The following KIAA2012 variants were observed in gnomAD, a reference collection of about 807,000 sequenced individuals.
The protein encoded by KIAA2012 is KIAA2012, also known as uncharacterized protein KIAA2012.
In KIAA2012, 125 loss-of-function variants were observed where a neutral mutation model predicts 150.6. That is an observed-to-expected ratio of 0.83 (90% CI 0.72 to 0.96). The LOEUF (loss-of-function observed/expected upper bound fraction) is 0.96, where lower values mean the gene tolerates loss of function less well. Among genes scored for constraint, KIAA2012 ranks in the 40% least tolerant of loss-of-function variants. The pLI is 0.00. For missense variants in KIAA2012, 1,219 were observed against 1,354.9 expected (o/e 0.90, Z 1.57); for synonymous variants, 462 against 504.7 (o/e 0.92, Z 1.13).
At chr2:202,090,421 T>C (rs1689687289) in intron 2 of KIAA2012, among the ~76,000 whole-genome samples, 1 of 152,240 alleles carries the variant, frequency 6.6e-6, no homozygotes, top group South Asian at 2.1e-4. Flanking sequence ...GGCTTTCCCA[T>C]TACAGTACAG....
At chr2:202,196,699 C>T (rs1692421064) in intron 21 of KIAA2012, 101 bp from the exon 22 acceptor site, 1 of 1,456,724 alleles carries the variant, frequency 6.9e-7, no homozygotes, top group Non-Finnish European at 9.1e-7. Flanking sequence ...CAAAATTTCT[C>T]ACGGGGAGTC....
chr2:202,133,500 G>A (rs1484258989), intron 12 of KIAA2012, among the ~76,000 whole-genome samples: 2 of 152,086 alleles, frequency 1.3e-5, no homozygotes, highest in East Asian at 1.9e-4. Context: ...AAAGATATAA[G>A]TAAAAGGACT....
At chr2:202,084,070 G>A (rs559830758) in intron 2 of KIAA2012, among the ~76,000 whole-genome samples, 138 of 152,268 alleles carry the variant, frequency 9.1e-4, no homozygotes, top group South Asian at 4.6e-3. Flanking sequence ...CAGGCTCCCT[G>A]CTGGAAATAT....
chr2:202,191,824 A>C (rs1692331291), intron 19 of KIAA2012, among the ~76,000 whole-genome samples: 1 of 152,188 alleles, frequency 6.6e-6, no homozygotes, highest in Non-Finnish European at 1.5e-5. Context: ...AACCTTTACC[A>C]CACTTGTGAG....
chr2:202,135,919 T>C (rs1691047160), intron 12 of KIAA2012: 1 of 204,322 alleles, frequency 4.9e-6, no homozygotes, highest in Non-Finnish European at 1.1e-5. Context: ...CTTGTGTTAT[T>C]TCAAGGTGTG....
At chr2:202,139,751 A>G (rs1691160930) in intron 13 of KIAA2012, among the ~76,000 whole-genome samples, 1 of 152,200 alleles carries the variant, frequency 6.6e-6, no homozygotes, top group African/African-American at 2.4e-5. Context: ...CTTTGCAGAC[A>G]TCCCATTTAC....
chr2:202,111,865 G>A (rs1356920861), intron 10 of KIAA2012, among the ~76,000 whole-genome samples: 2 of 152,118 alleles, frequency 1.3e-5, no homozygotes, highest in Admixed American at 1.3e-4. Context: ...ATATGTCAGT[G>A]TGTTTGTAAG....
chr2:202,111,566 A>T (rs185729763), intron 10 of KIAA2012, among the ~76,000 whole-genome samples: 1 of 151,528 alleles, frequency 6.6e-6, no homozygotes, highest in East Asian at 1.9e-4. Context: ...GGACTGGGAA[A>T]AGAGAGCAGC....
chr2:202,132,694 A>ATG (rs143172000), intron 12 of KIAA2012, among the ~76,000 whole-genome samples: 37,824 of 101,634 alleles, frequency 0.37, 5,753 homozygotes, highest in African/African-American at 0.41. Flanking sequence ...ATATATATGT[A>ATG]TGTATATATA....
At chr2:202,077,001 C>T (rs1689339104) in intron 2 of KIAA2012, 1 of 457,148 alleles carries the variant, frequency 2.2e-6, no homozygotes, top group Middle Eastern at 3.3e-4. Flanking sequence ...CACAGTATTT[C>T]TCCCTTCCCA....
intron 3 of KIAA2012, 76 bp downstream of exon 3, chr2:202,091,005 T>G: frequency 1.4e-6 from 2 of 1,450,134 alleles, no homozygotes; most frequent in East Asian, 5.1e-5. Flanking sequence ...GTGTTTTCCA[T>G]CAAGACCTGA....
At chr2:202,091,203 C>T (rs1689711025) in intron 3 of KIAA2012, among the ~76,000 whole-genome samples, 1 of 152,226 alleles carries the variant, frequency 6.6e-6, no homozygotes, top group South Asian at 2.1e-4. Flanking sequence ...CAGGCCAGAA[C>T]TTTCTTCCCA....
intron 11 of KIAA2012, among the ~76,000 whole-genome samples, chr2:202,123,381 C>T (rs1276908530): frequency 6.6e-6 from 1 of 152,110 alleles, no homozygotes; most frequent in East Asian, 1.9e-4. Context: ...TCCAAGGTCC[C>T]TACTCAATAA....
In KIAA2012 at chr2:202,154,761, A is replaced by G. The variant is rs529101623; in HGVS notation, c.1997A>G (p.Lys666Arg). The G allele has an allele frequency of 6.5e-7, 1 of 1,550,296 alleles. No homozygotes were observed. The highest frequency in any genetic ancestry group is 1.2e-5 in the South Asian group (1 of 83,908). ...INKALICSNR[K>R]EFYTRKLHID... ...AAAGCGCTGATATGTTCAAACAGAA[A>G]AGAATTTTACACGCGCAAGCTGCAC... Residue 666 changes from lysine to arginine, a missense_variant, in exon 14 of 24, where the codon AAA becomes AGA. Lys to Arg is a conservative substitution (Grantham distance 26). Coordinates refer to ENST00000498697, the MANE Select transcript of KIAA2012 (RefSeq NM_001277372.4).
chr2:202,142,636 T>G lies in KIAA2012; in HGVS notation c.1908+4128T>G, dbSNP rs568784628. Among the ~76,000 whole-genome samples the G allele has an allele frequency of 3.4e-3, 521 of 152,322 alleles. 1 individual carries two copies. The highest frequency in any genetic ancestry group is 6.0e-3 in the Non-Finnish European group (411 of 68,038). The stretch of plus-strand genomic sequence containing the variant: ...GTTTTGGGAAAGGGCTGTTATCGTC[T>G]TTGTTTCAAAGCTAAACTGTAAACT... On this transcript the variant is annotated intron_variant, in intron 13 of 23. Coordinates refer to ENST00000498697, the MANE Select transcript of KIAA2012 (RefSeq NM_001277372.4).
intron 15 of KIAA2012, among the ~76,000 whole-genome samples, chr2:202,183,506 TCACTGGAGTGCAGTGGTGCTC>T (rs1242470248): frequency 7.4e-6 from 1 of 135,878 alleles, no homozygotes; most frequent in Non-Finnish European, 1.5e-5. Context: ...TGAGACAGTC[TCACTGGAGTGCAGTGGTGCTC>T]CACTGGTGTG....
chr2:202,132,758 A>ATATATGTATATATGTATATATG, intron 12 of KIAA2012, among the ~76,000 whole-genome samples: 1 of 70,670 alleles, frequency 1.4e-5, no homozygotes, highest in South Asian at 4.8e-4. Context: ...GTATATATGT[A>ATATATGTATATATGTATATATG]TATATATACA....
chr2:202,124,008 G>A (rs1690716215), intron 11 of KIAA2012, among the ~76,000 whole-genome samples: 1 of 152,116 alleles, frequency 6.6e-6, no homozygotes, highest in African/African-American at 2.4e-5. Context: ...GGCCAACATG[G>A]TGAAACCCTG....
chr2:202,101,036 C>T (rs1161895529), intron 7 of KIAA2012, among the ~76,000 whole-genome samples: 1 of 152,156 alleles, frequency 6.6e-6, no homozygotes, highest in African/African-American at 2.4e-5. Flanking sequence ...CAAGGGCCCC[C>T]GGATGTTCTG....
Sources: allele counts gnomAD v4.1 joint callset (sites outside exome capture counted in the v4.1 genomes callset), GRCh38; gene constraint gnomAD v4.1.1; transcripts MANE v1.5; gene names NCBI Gene and HGNC (gene_info 2026-07-23, HGNC 2026-07-21).